LEMD1: variants seen among roughly 807,000 people sequenced by gnomAD.
LEMD1 encodes LEM domain containing 1.
Under a neutral mutation model 17.4 loss-of-function variants are expected in LEMD1, and 18 were observed. The ratio of observed to expected loss-of-function variants is 1.04; its 90% CI spans 0.72 to 1.54. The LOEUF (loss-of-function observed/expected upper bound fraction) is 1.54. LEMD1 is among the 40% of genes most tolerant of loss of function. The pLI, the probability that LEMD1 is intolerant of heterozygous loss-of-function variation, is 0.00. For synonymous variants in LEMD1, 88 were observed against 77.8 expected, an observed-to-expected ratio of 1.13 and a Z score of -0.69; for missense variants, 195 against 210.4, an observed-to-expected ratio of 0.93 and a Z score of 0.45.
intron 1 of LEMD1, among the ~76,000 whole-genome samples, chr1:205,428,510 G>A (rs553053019): frequency 6.6e-6 from 1 of 152,314 alleles, no homozygotes; most frequent in Non-Finnish European, 1.5e-5. Context: ...CCCTCCTGAA[G>A]CGTATTGTCC....
intron 4 of LEMD1, among the ~76,000 whole-genome samples, chr1:205,400,716 T>A (rs1301825104): frequency 6.6e-6 from 1 of 152,146 alleles, no homozygotes; most frequent in Non-Finnish European, 1.5e-5. Flanking sequence ...ATTATTATTA[T>A]ACTTTAAGTT....
intron 4 of LEMD1, among the ~76,000 whole-genome samples, chr1:205,392,484 G>T (rs774135155): frequency 4.6e-5 from 7 of 151,474 alleles, no homozygotes; most frequent in African/African-American, 1.7e-4. Context: ...TGAGGTTACA[G>T]TGAACCATGA....
At chr1:205,430,642 C>A (rs755964961) in intron 1 of LEMD1, among the ~76,000 whole-genome samples, 2 of 152,210 alleles carry the variant, frequency 1.3e-5, no homozygotes, top group Non-Finnish European at 2.9e-5. Context: ...CAGCTAGGTG[C>A]AAAGTGGCCA....
intron 4 of LEMD1, among the ~76,000 whole-genome samples, chr1:205,401,266 C>T (rs561470614): frequency 4.6e-5 from 7 of 152,150 alleles, no homozygotes; most frequent in Non-Finnish European, 8.8e-5. Context: ...CCCGAGGAAT[C>T]GCCACACTGA....
Position 205,403,184 on chromosome 1 carries a change from C to T in LEMD1, c.270+13048G>A, listed in dbSNP as rs1454571482. Among the ~76,000 whole-genome samples the T allele has an allele frequency of 1.4e-4, 21 of 152,152 alleles. No individual in the cohort carries two copies. In the South Asian group the frequency reaches 1.5e-3, roughly 11 times the overall value. On this transcript the variant is annotated intron_variant, in intron 4 of 5. Transcript: ENST00000367153. ...TCTCTTTTTTGGTTGTGTCTCTGCC[C>T]GGCTTTGGTATCAGGATGGTACTGG...
intron 4 of LEMD1, among the ~76,000 whole-genome samples, chr1:205,399,083 T>C (rs1422356657): frequency 6.6e-6 from 1 of 151,912 alleles, no homozygotes; most frequent in African/African-American, 2.4e-5. Flanking sequence ...AGTGTGGTGG[T>C]GCAAGCCTGT....
chr1:205,446,947 C>T (rs1463764334), intron 1 of LEMD1, among the ~76,000 whole-genome samples: 2 of 152,214 alleles, frequency 1.3e-5, no homozygotes, highest in African/African-American at 4.8e-5. Context: ...CCCCCGACCT[C>T]CTGTGGGAAA....
At chr1:205,439,277 T>C (rs6696979) in intron 1 of LEMD1, among the ~76,000 whole-genome samples, 118,742 of 152,190 alleles carry the variant, frequency 0.78, 48,065 homozygotes, top group East Asian at 0.89. Context: ...GAAGGACTTC[T>C]GTTTATAATT....
intron 1 of LEMD1, among the ~76,000 whole-genome samples, chr1:205,445,666 G>C (rs1467686268): frequency 6.6e-6 from 1 of 152,194 alleles, no homozygotes; most frequent in East Asian, 1.9e-4. Flanking sequence ...AGAGGTCAGA[G>C]CAGCAATAGT....
intron 1 of LEMD1, among the ~76,000 whole-genome samples, chr1:205,439,108 G>A (rs1666253052): frequency 6.6e-6 from 1 of 152,174 alleles, no homozygotes; most frequent in Non-Finnish European, 1.5e-5. Flanking sequence ...TGCCCTCCAG[G>A]AGGCTCTCTG....
intron 4 of LEMD1, among the ~76,000 whole-genome samples, chr1:205,396,909 C>T (rs1664616780): frequency 6.6e-6 from 1 of 152,180 alleles, no homozygotes; most frequent in East Asian, 1.9e-4. Flanking sequence ...TCCAACTTCT[C>T]ATTACGTAAT....
chr1:205,401,541 GT>G (rs1348544905), intron 4 of LEMD1, among the ~76,000 whole-genome samples: 1 of 151,920 alleles, frequency 6.6e-6, no homozygotes, highest in Non-Finnish European at 1.5e-5. Context: ...TTTTGATGGG[GT>G]TGTTTGTTTT....
intron 4 of LEMD1, among the ~76,000 whole-genome samples, chr1:205,412,693 A>G (rs1029720900): frequency 6.6e-5 from 10 of 152,224 alleles, no homozygotes; most frequent in Non-Finnish European, 1.3e-4. Flanking sequence ...TTTAAGGATG[A>G]ACAGATGTCT....
intron 4 of LEMD1, among the ~76,000 whole-genome samples, chr1:205,412,315 G>GA (rs1665489257): frequency 2.0e-5 from 3 of 151,756 alleles, no homozygotes; most frequent in Admixed American, 2.0e-4. Flanking sequence ...CTTTCTGATG[G>GA]AAAAAATCCC....
Position 205,393,365 on chromosome 1 carries a change from G to T in LEMD1, c.271-9001C>A, listed in dbSNP as rs561263689. Among the ~76,000 whole-genome samples, 9 of 113,504 alleles carry T rather than the reference G, an allele frequency of 7.9e-5. No homozygotes were observed. The East Asian group carries it at 1.9e-3, about 24-fold the overall frequency. The allele number at this position is 113,504 out of a possible 152,430, so 74.5% of individuals were successfully genotyped here. ...ACAATGAGATACCACTTTATACCCA[G>T]TAGAATGGCTATTAAAAAAAAAAAG... is the stretch of plus-strand genomic sequence containing the variant. On this transcript the variant is annotated intron_variant, in intron 4 of 5. Transcript: ENST00000367153.
Position 205,381,577 on chromosome 1 carries a change from G to A in LEMD1, c.*81C>T. On this transcript the variant is annotated 3_prime_UTR_variant, in exon 6 of 6. Transcript: ENST00000367153. ...CCCTGCAAGGGAGGGCTGCAGGCTA[G>A]GCTGGCCCTTCAGGGTAGTGTTTTG... 1 of 1,336,284 alleles carries A rather than the reference G, an allele frequency of 7.5e-7. No individual in the cohort carries two copies. The highest frequency in any genetic ancestry group is 1.2e-5 in the South Asian group (1 of 84,520). The allele number at this position is 1,336,284 out of a possible 1,614,324, so 82.8% of individuals were successfully genotyped here.
chr1:205,414,689 G>T (rs2102423211), intron 4 of LEMD1, among the ~76,000 whole-genome samples: 1 of 152,226 alleles, frequency 6.6e-6, no homozygotes, highest in East Asian at 1.9e-4. Flanking sequence ...CTCCTAAAGT[G>T]CTGGGATTAC....
intron 4 of LEMD1, among the ~76,000 whole-genome samples, chr1:205,414,591 G>GT (rs1193816209): frequency 3.3e-5 from 5 of 151,894 alleles, no homozygotes; most frequent in Admixed American, 2.0e-4. Flanking sequence ...CACCCAGCCA[G>GT]TTTTTTTATT....
intron 4 of LEMD1, among the ~76,000 whole-genome samples, chr1:205,411,675 G>A (rs201609228): frequency 0.028 from 1,112 of 39,294 alleles, 9 homozygotes; most frequent in African/African-American, 0.056. Flanking sequence ...AGAAAGAAAA[G>A]AAAGAAAGAA....
Sources: allele counts gnomAD v4.1 joint callset (sites outside exome capture counted in the v4.1 genomes callset), GRCh38; gene constraint gnomAD v4.1.1; transcripts MANE v1.5; gene names NCBI Gene and HGNC (gene_info 2026-07-23, HGNC 2026-07-21).